SUGP1: variants seen among roughly 807,000 people sequenced by gnomAD.
The protein encoded by SUGP1 is SURP and G-patch domain-containing protein 1.
A neutral mutation model predicts 76.5 loss-of-function variants in SUGP1; 34 were observed. The observed-to-expected ratio is 0.44, with a 90% CI of 0.34 to 0.59. The LOEUF is 0.59. SUGP1 is among the 20% of genes least tolerant of loss of function. The pLI is 0.01. For synonymous variants in SUGP1, 326 were observed against 326.2 expected (o/e 1.00, Z 0.01); for missense variants, 752 against 851.7 (o/e 0.88, Z 1.46).
rs1599841508 is a variant in SUGP1, at chr19:19,276,945, A to C, written c.1911+2T>G. ...AAAGGCAGCCCAGGAGGACATGCGT[A>C]CCAGGGGGTTGGGCCGGAAGCGGTA... On this transcript the variant is annotated splice_donor_variant, in intron 13 of 13. Coordinates refer to ENST00000247001, the MANE Select transcript of SUGP1 (RefSeq NM_172231.4). LOFTEE classifies it high-confidence loss of function. 1 of 1,612,918 alleles carries C rather than the reference A, an allele frequency of 6.2e-7. No homozygotes were observed. Among genetic ancestry groups the C allele is most frequent in the Non-Finnish European group, 8.5e-7 (1 of 1,179,982 alleles).
rs78074738 is a variant in SUGP1 at position 19,285,998 on chromosome 19, G to A, written c.1244-5707C>T. Among the ~76,000 whole-genome samples, 76 of 152,232 alleles carry A rather than the reference G, an allele frequency of 5.0e-4. 1 individual carries two copies. Among genetic ancestry groups the A allele is most frequent in the African/African-American group, 1.7e-3 (70 of 41,532 alleles). ...GGGAAAAGATAAACACCAGCTGCCC[G>A]TCTTCTGGTTATACAACAAGAAGGC... On this transcript the variant is annotated intron_variant, in intron 8 of 13. Transcript: ENST00000247001.
intron 3 of SUGP1, among the ~76,000 whole-genome samples, chr19:19,309,544 C>T (rs2061339349): frequency 6.6e-6 from 1 of 152,050 alleles, no homozygotes; most frequent in Non-Finnish European, 1.5e-5. Flanking sequence ...CTTTGGATGG[C>T]CAAGGCGGGC....
chr19:19,277,673 G>C, intron 12 of SUGP1, 61 bp downstream of exon 12: 1 of 1,586,108 alleles, frequency 6.3e-7, no homozygotes, highest in South Asian at 1.1e-5. Context: ...GAATGGGGAG[G>C]CGGCAGGGGA....
intron 8 of SUGP1, among the ~76,000 whole-genome samples, chr19:19,283,090 AG>A (rs1346305443): frequency 6.6e-6 from 1 of 151,538 alleles, no homozygotes; most frequent in Non-Finnish European, 1.5e-5. Flanking sequence ...AAAAAAAAAA[AG>A]TTAGGAGTGT....
chr19:19,278,615 CA>C, intron 11 of SUGP1, 74 bp downstream of exon 11: 1 of 1,354,192 alleles, frequency 7.4e-7, no homozygotes, highest in Non-Finnish European at 1.0e-6. Context: ...CTACTTTGGG[CA>C]CCTGCAGGGT....
chr19:19,280,358 G>T, intron 8 of SUGP1, 67 bp from the exon 9 acceptor site: 1 of 1,413,764 alleles, frequency 7.1e-7, no homozygotes, highest in Non-Finnish European at 9.9e-7. Flanking sequence ...CCTGCGCTGG[G>T]GTGTGCTGTG....
chr19:19,303,546 A>C, intron 5 of SUGP1, 98 bp from the exon 6 acceptor site: 2 of 1,363,094 alleles, frequency 1.5e-6, no homozygotes. Flanking sequence ...CAGGCTGGCG[A>C]GCAGGGACCC....
Position 19,297,145 on chromosome 19 carries a change from T to C in SUGP1, c.1087A>G (p.Ile363Val). ...CCGGGGGCAGCTGGAGCAGGGATGA[T>C]AGTGGGCGCAGGCGTGGACGAGGCG... ...CPASSTPAPT[I>V]IPAPAAPGKP... The change falls in exon 8 of 14, where the codon ATC (isoleucine) becomes GTC (valine). Residue 363 changes from isoleucine (I) to valine (V), a missense_variant. This residue lies in a region of SUGP1 where 620 missense variants were observed against 617.3 expected (regional missense o/e 1.00). Transcript: ENST00000247001. 1 of 1,613,620 alleles carries C rather than the reference T, an allele frequency of 6.2e-7. No individual in the cohort carries two copies. The highest frequency in any genetic ancestry group is 1.7e-5 in the Admixed American group (1 of 59,974).
At chr19:19,303,257 A>C in intron 6 of SUGP1, 91 bp downstream of exon 6, 1 of 1,106,240 alleles carries the variant, frequency 9.0e-7, no homozygotes, top group South Asian at 1.3e-5. Context: ...ACACAGTGCC[A>C]CTCCAGCACC....
chr19:19,293,616 C>T (rs1323198986), intron 8 of SUGP1, among the ~76,000 whole-genome samples: 4 of 151,770 alleles, frequency 2.6e-5, no homozygotes, highest in Middle Eastern at 3.2e-3. Flanking sequence ...AGTTCCTCAA[C>T]ACAATAAAGC....
chr19:19,291,536 GAAGA>G (rs2061183158), intron 8 of SUGP1, among the ~76,000 whole-genome samples: 1 of 152,026 alleles, frequency 6.6e-6, no homozygotes, highest in East Asian at 1.9e-4. Context: ...CAAAACACAA[GAAGA>G]AATAGAAAAT....
intron 12 of SUGP1, among the ~76,000 whole-genome samples, 172 bp downstream of exon 12, chr19:19,277,562 G>A (rs947285090): frequency 5.3e-5 from 8 of 152,190 alleles, no homozygotes; most frequent in Non-Finnish European, 8.8e-5. Context: ...GACCCAGCCC[G>A]TATGGCCTCC....
At chr19:19,285,893 C>T (rs886343459) in intron 8 of SUGP1, among the ~76,000 whole-genome samples, 1 of 152,122 alleles carries the variant, frequency 6.6e-6, no homozygotes, top group Non-Finnish European at 1.5e-5. Flanking sequence ...CAGGATAACG[C>T]TACTGTTTTG....
At chr19:19,305,493 G>A (rs965910439) in intron 4 of SUGP1, among the ~76,000 whole-genome samples, 2 of 152,314 alleles carry the variant, frequency 1.3e-5, no homozygotes, top group Admixed American at 1.3e-4. Context: ...AGGGCTCAGC[G>A]GAAGAGCCTT....
intron 10 of SUGP1, 34 bp downstream of exon 10, chr19:19,279,179 A>T: frequency 6.5e-7 from 1 of 1,532,248 alleles, no homozygotes; most frequent in Non-Finnish European, 8.8e-7. Context: ...GGCCATGCCC[A>T]GCCCAGCCCG....
intron 3 of SUGP1, 33 bp downstream of exon 3, chr19:19,310,064 G>T: frequency 6.4e-7 from 1 of 1,566,868 alleles, no homozygotes; most frequent in South Asian, 1.1e-5. Context: ...GAGATGCAAG[G>T]ACAGCACAAG....
rs535312697 is a variant in SUGP1 at position 19,296,646 on chromosome 19, C to CAA, written c.1243+341_1243+342dup. Among the ~76,000 whole-genome samples the CAA allele has an allele frequency of 2.5e-4, 28 of 110,010 alleles. No individual in the cohort carries two copies. In the South Asian group the frequency reaches 6.7e-3, roughly 26 times the overall value. The allele number at this position is 110,010 out of a possible 152,430, so 72.2% of individuals were successfully genotyped here. On this transcript the variant is annotated intron_variant, in intron 8 of 13. Coordinates refer to ENST00000247001, the MANE Select transcript of SUGP1 (RefSeq NM_172231.4). ...TGGGCAACAGAGCGAGACTCTGTCT[C>CAA]AAAAAAAAAAAGAAAAAAGAAAAAA... is the stretch of plus-strand genomic sequence containing the variant.
rs1024861919 is a variant in SUGP1, at chr19:19,306,178, T to G, written c.311-102A>C. ...GTGGGCCCCGGGGGAGCTGGGTCCT[T>G]GACTTCCAGAACTCAGGGGCTCAGA... On this transcript the variant is annotated intron_variant, in intron 3 of 13. Coordinates refer to ENST00000247001, the MANE Select transcript of SUGP1 (RefSeq NM_172231.4). 6.7e-6 allele frequency: 8 copies of G among 1,185,998 alleles called. No homozygotes were observed. In the Admixed American group the frequency reaches 1.5e-4, roughly 22 times the overall value. The allele number at this position is 1,185,998 out of a possible 1,614,324, so 73.5% of individuals were successfully genotyped here.
intron 12 of SUGP1, 123 bp downstream of exon 12, chr19:19,277,611 G>A: frequency 1.6e-6 from 2 of 1,284,728 alleles, no homozygotes; most frequent in Non-Finnish European, 2.1e-6. Flanking sequence ...GTGTGCAGTG[G>A]GGTGCTGTGA....
Sources: gnomAD v4.1 joint callset for allele counts (sites outside exome capture counted in the v4.1 genomes callset) on GRCh38, gnomAD v4.1.1 for gene constraint, gnomAD v4.1.1 regional missense constraint, MANE v1.5 for transcripts, NCBI Gene and HGNC (gene_info 2026-07-23, HGNC 2026-07-21) for gene names.